The following GPR26 variants were observed in gnomAD, a reference collection of about 807,000 sequenced individuals.
The protein encoded by GPR26 is G protein-coupled receptor 26.
Under a neutral mutation model 23.1 loss-of-function variants are expected in GPR26, and 15 were observed. The observed-to-expected ratio is 0.65, with a 90% confidence interval of 0.43 to 1.00. The LOEUF (loss-of-function observed/expected upper bound fraction) is 1.00, where lower values mean the gene tolerates loss of function less well. Among genes scored for constraint, GPR26 ranks in the 50% least tolerant of loss-of-function variants. GPR26 has a pLI of 0.00. For missense variants in GPR26, 359 were observed against 470.5 expected, an observed-to-expected ratio of 0.76 and a Z score of 2.19; for synonymous variants, 228 against 222.1, an observed-to-expected ratio of 1.03 and a Z score of -0.24.
In GPR26 at chr10:123,674,902, T is replaced by A; in HGVS notation, c.753T>A (p.Leu251=). ...KKISTFIGTF[L]VCFAPYVITR... ...TCAGCACCTTCATAGGGACCTTCCT[T>A]GTGTGCTTCGCGCCCTATGTGATCA... The change falls in exon 2 of 3, where the codon CTT becomes CTA. Residue 251 remains leucine (L), a synonymous_variant. Transcript: ENST00000284674. This position sits in a 1 kb window ranked among gnomAD's most constrained non-coding sequence, Gnocchi z 4.1. 1 of 1,612,482 alleles carries A rather than the reference T, an allele frequency of 6.2e-7. No homozygotes were observed. Among genetic ancestry groups the A allele is most frequent in the Non-Finnish European group, 8.5e-7 (1 of 1,179,152 alleles).
At chr10:123,684,664 G>T (rs570513487) in intron 2 of GPR26, among the ~76,000 whole-genome samples, 17 of 152,172 alleles carry the variant, frequency 1.1e-4, no homozygotes, top group Non-Finnish European at 2.2e-4. Flanking sequence ...TCTGATCTCT[G>T]CCTTCGTGTT....
At chr10:123,675,355 C>T (rs1013804815) in intron 2 of GPR26, among the ~76,000 whole-genome samples, 1 of 152,148 alleles carries the variant, frequency 6.6e-6, no homozygotes, top group African/African-American at 2.4e-5. Context: ...ACCTGAACAC[C>T]CAGGTCAACA....
intron 1 of GPR26, among the ~76,000 whole-genome samples, chr10:123,673,378 TG>T (rs1845272434): frequency 6.6e-6 from 1 of 152,216 alleles, no homozygotes; most frequent in Non-Finnish European, 1.5e-5. Context: ...TTCTCTCCAC[TG>T]CTTGCATTTT....
At position 123,670,024 on chromosome 10, in the gene GPR26, A is replaced by G. The variant is rs1845233029; in HGVS notation, c.668+2949A>G. On this transcript the variant is annotated intron_variant, in intron 1 of 2. Coordinates refer to ENST00000284674, the MANE Select transcript of GPR26 (RefSeq NM_153442.4). ...TGGCAGAGCAGGTGGGCCCCAGGGTATGGTTGCAGGGACCTTGCTCTTCCC... is the reference window on the plus strand; with the variant it reads ...TGGCAGAGCAGGTGGGCCCCAGGGTGTGGTTGCAGGGACCTTGCTCTTCCC... 2.0e-5 allele frequency among the ~76,000 whole-genome samples: 3 copies of G among 152,274 alleles called. No individual in the cohort carries two copies. The South Asian group carries it at 6.2e-4, about 32-fold the overall frequency.
chr10:123,666,502 A>T lies in GPR26; in HGVS notation c.95A>T (p.His32Leu), dbSNP rs1339854498. The change falls in exon 1 of 3, where the codon CAC becomes CTC. Residue 32 changes from histidine (H) to leucine (L), a missense_variant. Physicochemically the swap from His to Leu is moderately conservative, Grantham distance 99. Coordinates refer to ENST00000284674, the MANE Select transcript of GPR26 (RefSeq NM_153442.4). ...GCGCTGGTGCTGCTCTGCCTGCTGC[A>T]CAGCGCGGACATCCGCCGCCAGGCG... ...SNALVLLCLL[H>L]SADIRRQAPA... The T allele has an allele frequency of 6.4e-7, 1 of 1,572,688 alleles. No homozygotes were observed. Among genetic ancestry groups the T allele is most frequent in the African/African-American group, 1.4e-5 (1 of 73,918 alleles).
chr10:123,679,582 C>A (rs1001282366), intron 2 of GPR26, among the ~76,000 whole-genome samples: 3 of 151,988 alleles, frequency 2.0e-5, no homozygotes, highest in Admixed American at 6.6e-5. Flanking sequence ...GCATCCCAAC[C>A]CATTTTACTG....
Position 123,688,486 on chromosome 10 carries a change from G to T in GPR26, c.*326G>T. On this transcript the variant is annotated 3_prime_UTR_variant, in exon 3 of 3. Coordinates refer to ENST00000284674, the MANE Select transcript of GPR26 (RefSeq NM_153442.4). ...TCACTGTCAAGGATGCAGAGAGCTGGTGGTAGGTGGGAAGCATGGTGTCCA... is the reference window on the plus strand; with the variant it reads ...TCACTGTCAAGGATGCAGAGAGCTGTTGGTAGGTGGGAAGCATGGTGTCCA... 1 of 340,618 alleles carries T rather than the reference G, an allele frequency of 2.9e-6. No homozygotes were observed. The highest frequency in any genetic ancestry group is 5.6e-6 in the Non-Finnish European group (1 of 179,802). The allele number at this position is 340,618 out of a possible 1,614,324, so 21.1% of individuals were successfully genotyped here.
rs1174395949 is a variant in GPR26, at chr10:123,692,736, CTGT to C, written c.*4578_*4580del. 6.6e-6 allele frequency: 1 copy of C among 152,144 alleles called. No homozygotes were observed. The highest frequency in any genetic ancestry group is 1.5e-5 in the Non-Finnish European group (1 of 68,036). 9.4% of individuals were successfully genotyped at this position (152,144 alleles called of 1,614,324 possible). ...TCATCATAATCTTTTGATGTAGGTG[CTGT>C]TATTATCTCTACGTTACACATCTGG... On this transcript the variant is annotated 3_prime_UTR_variant, in exon 3 of 3. Coordinates refer to ENST00000284674, the MANE Select transcript of GPR26 (RefSeq NM_153442.4).
chr10:123,672,282 T>A (rs943508471), intron 1 of GPR26, among the ~76,000 whole-genome samples: 1 of 152,154 alleles, frequency 6.6e-6, no homozygotes, highest in African/African-American at 2.4e-5. Flanking sequence ...CCATCTGTGA[T>A]CTGGGGTGCG....
chr10:123,670,830 G>A (rs560880333), intron 1 of GPR26, among the ~76,000 whole-genome samples: 3 of 152,340 alleles, frequency 2.0e-5, no homozygotes, highest in South Asian at 2.1e-4. Context: ...GGATGAGGGC[G>A]TTTGGGCAAA....
intron 2 of GPR26, among the ~76,000 whole-genome samples, chr10:123,680,816 TTTTG>T (rs1845363604): frequency 1.2e-5 from 1 of 81,516 alleles, no homozygotes; most frequent in Non-Finnish European, 2.4e-5. Context: ...TTTTGTTTTG[TTTTG>T]TTTTTTTGGG....
chr10:123,672,105 G>A (rs1845258455), intron 1 of GPR26, among the ~76,000 whole-genome samples: 1 of 152,190 alleles, frequency 6.6e-6, no homozygotes, highest in Admixed American at 6.5e-5. Flanking sequence ...GAGAGCCCCA[G>A]GCAGAGGAGA....
intron 2 of GPR26, among the ~76,000 whole-genome samples, chr10:123,679,611 G>A (rs1845346384): frequency 7.4e-6 from 1 of 135,384 alleles, no homozygotes; most frequent in Admixed American, 7.5e-5. Context: ...ACTGAGGACT[G>A]GGGTCAGGGA....
At chr10:123,681,885 G>A (rs1278948332) in intron 2 of GPR26, among the ~76,000 whole-genome samples, 1 of 152,178 alleles carries the variant, frequency 6.6e-6, no homozygotes, top group Non-Finnish European at 1.5e-5. Context: ...ATTGCATCTG[G>A]GATAGCTTTA....
intron 1 of GPR26, among the ~76,000 whole-genome samples, chr10:123,671,651 C>T (rs538288143): frequency 1.6e-4 from 25 of 152,276 alleles, no homozygotes; most frequent in Non-Finnish European, 1.8e-4. Flanking sequence ...TCTGAGGACT[C>T]TGGGTACCAC....
chr10:123,675,821 T>TAC (rs1845301158), intron 2 of GPR26, among the ~76,000 whole-genome samples: 1 of 142,414 alleles, frequency 7.0e-6, no homozygotes, highest in Non-Finnish European at 1.5e-5. Context: ...TGTGTGTACG[T>TAC]GTGTGTGTGT....
chr10:123,675,798 C>CTGTGTGTGTGTGTGTGTGTGTACGTG (rs57869785), intron 2 of GPR26, among the ~76,000 whole-genome samples: 4 of 142,630 alleles, frequency 2.8e-5, no homozygotes, highest in Non-Finnish European at 6.1e-5. Context: ...GCAGGGTTTT[C>CTGTGTGTGTGTGTGTGTGTGTACGTG]TGTGTGTGTG....
In GPR26 at chr10:123,690,044, G is replaced by A. The variant is rs1017249336; in HGVS notation, c.*1884G>A. The A allele has an allele frequency of 1.2e-4, 18 of 152,178 alleles. No homozygotes were observed. The highest frequency in any genetic ancestry group is 4.3e-4 in the African/African-American group (18 of 41,430). 9.4% of individuals were successfully genotyped at this position (152,178 alleles called of 1,614,324 possible). Reference sequence around the variant, plus strand: ...TGTAAATCAGGCCTTTTGCCCCACAGAGAGCTGATTGTGAAACATCTACTA... The same window carrying A: ...TGTAAATCAGGCCTTTTGCCCCACAAAGAGCTGATTGTGAAACATCTACTA... On this transcript the variant is annotated 3_prime_UTR_variant, in exon 3 of 3. Coordinates refer to ENST00000284674, the MANE Select transcript of GPR26 (RefSeq NM_153442.4).
rs924316141 is a variant in GPR26 at position 123,693,182 on chromosome 10, T to C, written c.*5022T>C. The stretch of plus-strand genomic sequence containing the variant: ...TTCTCCAGACTCCTTTTACTTTGTA[T>C]GTGTTTCTAGGGGAATTCTGAGGGA... On this transcript the variant is annotated 3_prime_UTR_variant, in exon 3 of 3. Transcript: ENST00000284674. 2 of 152,244 alleles carry C rather than the reference T, an allele frequency of 1.3e-5. No homozygotes were observed. The highest frequency in any genetic ancestry group is 4.8e-5 in the African/African-American group (2 of 41,460). The allele number at this position is 152,244 out of a possible 1,614,324, so 9.4% of individuals were successfully genotyped here.
Sources: gnomAD v4.1 joint callset for allele counts (sites outside exome capture counted in the v4.1 genomes callset) on GRCh38, gnomAD v4.1.1 for gene constraint, Gnocchi (gnomAD v3.1) non-coding constraint, MANE v1.5 for transcripts, NCBI Gene and HGNC (gene_info 2026-07-23, HGNC 2026-07-21) for gene names.